Variants in TMEM217 observed in about 807,000 individuals in gnomAD.
The protein encoded by TMEM217 is transmembrane protein 217.
For missense variants in TMEM217, 204 were observed against 248.8 expected (o/e 0.82, Z 1.21); for synonymous variants, 76 against 88.3 (o/e 0.86, Z 0.78).
At chr6:37,214,250 CAG>C (rs1181107122), downstream of TMEM217, among the ~76,000 whole-genome samples, 1 of 152,144 alleles carries the variant, frequency 6.6e-6, no homozygotes, top group Admixed American at 6.5e-5. Flanking sequence ...TCTCTTTCGA[CAG>C]AGTCTTGCTC....
intron 1 of TMEM217, among the ~76,000 whole-genome samples, chr6:37,234,349 C>T (rs1270000256): frequency 6.6e-6 from 1 of 152,202 alleles, no homozygotes; most frequent in East Asian, 1.9e-4. Flanking sequence ...ATCCTCCTGC[C>T]TTGGCCTCCC....
intron 1 of TMEM217, among the ~76,000 whole-genome samples, chr6:37,222,661 G>C (rs142027831): frequency 6.6e-6 from 1 of 152,370 alleles, no homozygotes; most frequent in African/African-American, 2.4e-5. Context: ...TCCTCCAAGA[G>C]CACAGGGAGG....
intron 1 of TMEM217, among the ~76,000 whole-genome samples, chr6:37,247,442 C>T (rs538577015): frequency 2.2e-4 from 32 of 148,058 alleles, no homozygotes; most frequent in Non-Finnish European, 4.2e-4. Flanking sequence ...GGCTGGAGTG[C>T]GGTGACGCGA....
At chr6:37,238,166 T>TG (rs1014525868) in intron 1 of TMEM217, among the ~76,000 whole-genome samples, 2 of 42,668 alleles carry the variant, frequency 4.7e-5, no homozygotes, top group Admixed American at 3.4e-4. Context: ...TTAAAAACAC[T>TG]GAAAAAAAAA....
chr6:37,244,361 T>C (rs917201989), intron 1 of TMEM217, among the ~76,000 whole-genome samples: 1 of 152,236 alleles, frequency 6.6e-6, no homozygotes, highest in African/African-American at 2.4e-5. Flanking sequence ...GGAGAAAAAC[T>C]GTAAACTTCT....
chr6:37,237,608 A>G (rs1055160614), intron 1 of TMEM217, among the ~76,000 whole-genome samples: 1 of 152,250 alleles, frequency 6.6e-6, no homozygotes, highest in African/African-American at 2.4e-5. Flanking sequence ...GAGAAAATCA[A>G]TAAGAATGTT....
At chr6:37,229,637 G>A (rs1041627368) in intron 1 of TMEM217, among the ~76,000 whole-genome samples, 7 of 152,088 alleles carry the variant, frequency 4.6e-5, no homozygotes, top group South Asian at 4.1e-4. Flanking sequence ...CCACCGCGCC[G>A]GCCAATGTGC....
At chr6:37,220,717 A>G (rs1763459250) in intron 1 of TMEM217, among the ~76,000 whole-genome samples, 1 of 152,126 alleles carries the variant, frequency 6.6e-6, no homozygotes, top group Non-Finnish European at 1.5e-5. Flanking sequence ...TCATCCTCTA[A>G]GAATCTTCAT....
chr6:37,231,152 C>T (rs13196131), intron 1 of TMEM217, among the ~76,000 whole-genome samples: 2 of 151,798 alleles, frequency 1.3e-5, no homozygotes, highest in Non-Finnish European at 1.5e-5. Flanking sequence ...CTCCACCTCC[C>T]GGGTTCAAGC....
At chr6:37,230,693 A>G (rs1367687875) in intron 1 of TMEM217, among the ~76,000 whole-genome samples, 1 of 152,144 alleles carries the variant, frequency 6.6e-6, no homozygotes, top group Non-Finnish European at 1.5e-5. Flanking sequence ...CTGTGAGAAA[A>G]TTAATTTCTG....
intron 1 of TMEM217, among the ~76,000 whole-genome samples, chr6:37,236,985 C>T (rs1029341179): frequency 6.6e-6 from 1 of 152,192 alleles, no homozygotes; most frequent in African/African-American, 2.4e-5. Flanking sequence ...GGCTCCTTCA[C>T]AGCCTGATGA....
downstream of TMEM217, among the ~76,000 whole-genome samples, chr6:37,214,151 A>G (rs767007931): frequency 6.6e-6 from 1 of 152,202 alleles, no homozygotes; most frequent in African/African-American, 2.4e-5. Flanking sequence ...CCCTTTTTGA[A>G]TGTGCAATTC....
chr6:37,216,436 G>C (rs771462790), downstream of TMEM217, among the ~76,000 whole-genome samples: 75 of 152,212 alleles, frequency 4.9e-4, no homozygotes, highest in Non-Finnish European at 5.6e-4. Flanking sequence ...GTCAGAAAGG[G>C]AGCAAAGGTG....
chr6:37,253,166 A>G (rs1455569745), intron 1 of TMEM217, among the ~76,000 whole-genome samples: 2 of 152,140 alleles, frequency 1.3e-5, no homozygotes, highest in East Asian at 1.9e-4. Context: ...GCTATGTAGC[A>G]TTCAAATTTG....
exon 2 of TMEM217, chr6:37,217,922 T>C: frequency 3.0e-6 from 3 of 986,116 alleles, no homozygotes; most frequent in Non-Finnish European, 3.6e-6. Context: ...CACAGAAGTT[T>C]TGATAAATCA....
chr6:37,222,747 G>A (rs1465951803), intron 1 of TMEM217, among the ~76,000 whole-genome samples: 1 of 152,258 alleles, frequency 6.6e-6, no homozygotes, highest in Non-Finnish European at 1.5e-5. Flanking sequence ...CCGTAGAGCC[G>A]GAGGTGGGGT....
intron 1 of TMEM217, among the ~76,000 whole-genome samples, chr6:37,229,429 G>A (rs1019994373): frequency 2.1e-4 from 28 of 132,268 alleles, no homozygotes; most frequent in Non-Finnish European, 3.7e-4. Context: ...TGCAAGCTCC[G>A]CCTCCCGGGT....
chr6:37,254,405 C>T (rs545204522), intron 1 of TMEM217, among the ~76,000 whole-genome samples: 2 of 152,304 alleles, frequency 1.3e-5, no homozygotes, highest in East Asian at 3.9e-4. Flanking sequence ...ATGACAGCTA[C>T]CAACTGATCT....
At chr6:37,241,696 A>T (rs1764777454) in intron 1 of TMEM217, among the ~76,000 whole-genome samples, 1 of 152,208 alleles carries the variant, frequency 6.6e-6, no homozygotes, top group Non-Finnish European at 1.5e-5. Context: ...GTCTGGCAAT[A>T]TCCAGGCCAA....
Sources: gnomAD v4.1 joint callset for allele counts (sites outside exome capture counted in the v4.1 genomes callset) on GRCh38, gnomAD v4.1.1 for gene constraint, MANE v1.5 for transcripts, NCBI Gene and HGNC (gene_info 2026-07-23, HGNC 2026-07-21) for gene names.